The following NEGR1 variants were observed in gnomAD, a reference collection of about 807,000 sequenced individuals.
NEGR1 encodes the protein neuronal growth regulator 1.
Under a neutral mutation model 40.9 loss-of-function variants are expected in NEGR1, and 10 were observed. The observed-to-expected ratio is 0.24, with a 90% CI of 0.15 to 0.42. NEGR1 has a LOEUF of 0.42. Among genes scored for constraint, NEGR1 ranks in the 10% least tolerant of loss-of-function variants. The pLI, the probability that NEGR1 is intolerant of heterozygous loss-of-function variation, is 1.00. For synonymous variants in NEGR1, 185 were observed against 166.8 expected, an observed-to-expected ratio of 1.11 and a Z score of -0.84; for missense variants, 352 against 438.9, an observed-to-expected ratio of 0.80 and a Z score of 1.77.
chr1:72,200,649 T>C (rs563022698), intron 1 of NEGR1, among the ~76,000 whole-genome samples: 1 of 151,912 alleles, frequency 6.6e-6, no homozygotes, highest in South Asian at 2.1e-4. Context: ...AAAGTAAAAG[T>C]AGAAAAGAAA....
Position 71,570,748 on chromosome 1 carries a change from T to C in NEGR1, c.940+22069A>G, listed in dbSNP as rs530686869. Among the ~76,000 whole-genome samples the C allele has an allele frequency of 7.2e-4, 109 of 152,234 alleles. 1 individual carries two copies. The highest frequency in any genetic ancestry group is 2.5e-3 in the African/African-American group (105 of 41,552). On this transcript the variant is annotated intron_variant, in intron 6 of 6. Transcript: ENST00000357731. ...CATAAAGCACATGAAGGCATACCAA[T>C]TAAATTTGTTCAAACAAGTCATCAT...
chr1:71,813,105 T>C (rs1658063464), intron 2 of NEGR1, among the ~76,000 whole-genome samples: 1 of 152,168 alleles, frequency 6.6e-6, no homozygotes, highest in Admixed American at 6.6e-5. Flanking sequence ...AGTCAATTTT[T>C]TTATAAGTTG....
intron 1 of NEGR1, among the ~76,000 whole-genome samples, chr1:71,971,569 A>ATGCT (rs1646256914): frequency 6.6e-6 from 1 of 152,238 alleles, no homozygotes; most frequent in Non-Finnish European, 1.5e-5. Flanking sequence ...TGCTGTTGTA[A>ATGCT]GTTAAAGTAC....
chr1:72,145,196 G>T (rs12133604), intron 1 of NEGR1, among the ~76,000 whole-genome samples: 63,119 of 151,784 alleles, frequency 0.42, 14,310 homozygotes, highest in Admixed American at 0.55. Context: ...TAAATATCTG[G>T]GATAAGATAA....
chr1:71,648,489 C>A (rs1286192053), intron 4 of NEGR1, among the ~76,000 whole-genome samples: 1 of 152,118 alleles, frequency 6.6e-6, no homozygotes, highest in East Asian at 1.9e-4. Flanking sequence ...CATAATATTA[C>A]AACTCTGCCT....
chr1:71,471,458 C>T (rs1193320829), intron 6 of NEGR1, among the ~76,000 whole-genome samples: 2 of 151,920 alleles, frequency 1.3e-5, no homozygotes, highest in Non-Finnish European at 2.9e-5. Context: ...CTAGCCTGGC[C>T]GACATGGTGA....
intron 6 of NEGR1, among the ~76,000 whole-genome samples, chr1:71,566,881 A>T (rs965868901): frequency 6.6e-5 from 10 of 152,056 alleles, no homozygotes; most frequent in African/African-American, 2.4e-4. Context: ...CAGGGGTGGC[A>T]CCTTCTGGCT....
chr1:71,927,818 T>TAAAAAACAAAAA (rs1645789750), intron 2 of NEGR1, among the ~76,000 whole-genome samples: 1 of 22,428 alleles, frequency 4.5e-5, no homozygotes, highest in African/African-American at 2.0e-4. Context: ...ACCCAATCTC[T>TAAAAAACAAAAA]AAAAAAAAAA....
At chr1:72,262,220 A>G (rs1284766718) in intron 1 of NEGR1, among the ~76,000 whole-genome samples, 2 of 152,026 alleles carry the variant, frequency 1.3e-5, no homozygotes, top group Non-Finnish European at 2.9e-5. Context: ...TACTTACATA[A>G]GGTTTGGAAA....
intron 2 of NEGR1, among the ~76,000 whole-genome samples, chr1:71,928,159 T>TAC (rs1645803525): frequency 1.1e-5 from 1 of 94,674 alleles, no homozygotes; most frequent in Non-Finnish European, 2.0e-5. Flanking sequence ...CATATGTATA[T>TAC]ACGTATATAT....
chr1:71,902,530 G>T (rs1389748069), intron 2 of NEGR1, among the ~76,000 whole-genome samples: 2 of 152,128 alleles, frequency 1.3e-5, no homozygotes, highest in Non-Finnish European at 2.9e-5. Context: ...GTGATGACCT[G>T]CTTGGTCAGA....
At chr1:71,981,727 G>T (rs1227807573) in intron 1 of NEGR1, among the ~76,000 whole-genome samples, 1 of 152,048 alleles carries the variant, frequency 6.6e-6, no homozygotes, top group Non-Finnish European at 1.5e-5. Context: ...TAAGAATATA[G>T]CACCATAACA....
intron 3 of NEGR1, among the ~76,000 whole-genome samples, chr1:71,754,980 C>A (rs1403351760): frequency 6.6e-6 from 1 of 152,140 alleles, no homozygotes; most frequent in Non-Finnish European, 1.5e-5. Flanking sequence ...TTCATGATTC[C>A]AAGTTTCATT....
intron 1 of NEGR1, among the ~76,000 whole-genome samples, chr1:72,210,051 A>G (rs1193388095): frequency 2.0e-5 from 3 of 151,974 alleles, no homozygotes; most frequent in African/African-American, 7.2e-5. Context: ...TTTGGAAGAT[A>G]TTCTTGAAAT....
Position 72,282,390 on chromosome 1 carries a change from T to C in NEGR1, c.105A>G (p.Gly35=). The C allele has an allele frequency of 6.2e-7, 1 of 1,613,898 alleles. No individual in the cohort carries two copies. The highest frequency in any genetic ancestry group is 8.5e-7 in the Non-Finnish European group (1 of 1,179,962). Residue 35 remains glycine, a synonymous_variant, in exon 1 of 7, where the codon GGA becomes GGG. Transcript: ENST00000357731. ...CCGCCCAGGGGAAGTCCACACTCTG[T>C]CCAGCCGGGAGGCAGGAGGGTAGCA... ...CCLLPSCLPA[G]QSVDFPWAAV...
intron 1 of NEGR1, among the ~76,000 whole-genome samples, chr1:72,067,303 C>G (rs1017742128): frequency 2.6e-5 from 4 of 151,904 alleles, no homozygotes; most frequent in Non-Finnish European, 5.9e-5. Flanking sequence ...TTTCCATTAC[C>G]CTTAATGAGT....
At chr1:71,882,485 G>A (rs185808891) in intron 2 of NEGR1, among the ~76,000 whole-genome samples, 123 of 152,104 alleles carry the variant, frequency 8.1e-4, no homozygotes, top group African/African-American at 2.9e-3. Flanking sequence ...AGAGTTAACA[G>A]AAAATTTATT....
intron 6 of NEGR1, among the ~76,000 whole-genome samples, chr1:71,548,284 G>C (rs749290442): frequency 5.3e-5 from 8 of 151,660 alleles, no homozygotes; most frequent in Non-Finnish European, 1.0e-4. Context: ...TGATTCTGTA[G>C]GCTCAGGGAT....
chr1:72,235,283 C>T (rs1000481374), intron 1 of NEGR1, among the ~76,000 whole-genome samples: 6 of 152,142 alleles, frequency 3.9e-5, no homozygotes, highest in Admixed American at 1.3e-4. Flanking sequence ...CAACACAGAG[C>T]GCTTGTGAAG....
Sources: gnomAD v4.1 joint callset for allele counts (sites outside exome capture counted in the v4.1 genomes callset) on GRCh38, gnomAD v4.1.1 for gene constraint, MANE v1.5 for transcripts, NCBI Gene and HGNC (gene_info 2026-07-23, HGNC 2026-07-21) for gene names.